Variants in RADIL observed in about 807,000 individuals in gnomAD.
The protein encoded by RADIL is ras-associating and dilute domain-containing protein.
In RADIL, 99 loss-of-function variants were observed where a neutral mutation model predicts 97.6. The ratio of observed to expected loss-of-function variants is 1.01; its 90% confidence interval spans 0.86 to 1.20. The LOEUF (loss-of-function observed/expected upper bound fraction) is 1.20, where lower values mean the gene tolerates loss of function less well. Among genes scored for constraint, RADIL ranks in the 50% most tolerant of loss-of-function variants. The pLI is 0.00. For synonymous variants in RADIL, 803 were observed against 691.8 expected (o/e 1.16, Z -2.52); for missense variants, 1,765 against 1,498.9 (o/e 1.18, Z -2.93).
chr7:4,873,968 G>GT lies in RADIL; in HGVS notation c.535+3636dup, dbSNP rs1784311225. Among the ~76,000 whole-genome samples, 1 of 152,218 alleles carries GT rather than the reference G, an allele frequency of 6.6e-6. No homozygotes were observed. The highest frequency in any genetic ancestry group is 6.5e-5 in the Admixed American group (1 of 15,286). On this transcript the variant is annotated intron_variant, in intron 2 of 14. Coordinates refer to ENST00000399583, the MANE Select transcript of RADIL (RefSeq NM_018059.5). This position sits in a 1 kb window ranked among gnomAD's most constrained non-coding sequence, Gnocchi z 4.3. ...TCCTCCCCTTCTCTGGCTCTCAGTC[G>GT]TTCCCCTTGGAGGGGCGAGGGAGGA...
intron 5 of RADIL, among the ~76,000 whole-genome samples, chr7:4,830,579 T>TA (rs908527959): frequency 3.3e-4 from 50 of 152,046 alleles, no homozygotes; most frequent in African/African-American, 1.2e-3. Context: ...CGTGCAGCCA[T>TA]AAAAAAGCAC....
chr7:4,832,625 G>A (rs1429580650), intron 4 of RADIL, among the ~76,000 whole-genome samples: 1 of 151,526 alleles, frequency 6.6e-6, no homozygotes, highest in African/African-American at 2.4e-5. Context: ...TATAATCCCA[G>A]CTATTTGGGA....
In RADIL at chr7:4,834,547, CG is replaced by C; in HGVS notation, c.1416+59del. The C allele has an allele frequency of 7.8e-7, 1 of 1,289,052 alleles. No individual in the cohort carries two copies. The highest frequency in any genetic ancestry group is 9.8e-7 in the Non-Finnish European group (1 of 1,016,988). The allele number at this position is 1,289,052 out of a possible 1,614,324, so 79.9% of individuals were successfully genotyped here. ...CCCGCCTCCCAGCCGGGGCCAGCTC[CG>C]GGCCCCCTCTTCCCCCAGACCGGCA... On this transcript the variant is annotated intron_variant, in intron 4 of 14. Transcript: ENST00000399583. This position sits in a 1 kb window ranked among gnomAD's most constrained non-coding sequence, Gnocchi z 6.0.
intron 9 of RADIL, among the ~76,000 whole-genome samples, chr7:4,806,903 T>C (rs970870570): frequency 3.9e-5 from 6 of 152,172 alleles, no homozygotes; most frequent in South Asian, 2.1e-4. Flanking sequence ...GGGTCTGCCT[T>C]GTACTGATTC....
intron 2 of RADIL, among the ~76,000 whole-genome samples, chr7:4,866,679 G>A (rs990038189): frequency 6.6e-6 from 1 of 152,184 alleles, no homozygotes; most frequent in Non-Finnish European, 1.5e-5. Flanking sequence ...ATTTGAAAGT[G>A]TCTCCAGGGG....
chr7:4,876,592 C>T lies in RADIL; in HGVS notation c.535+1013G>A, dbSNP rs760135599. 3.3e-4 allele frequency among the ~76,000 whole-genome samples: 50 copies of T among 152,016 alleles called. 1 individual carries two copies. The highest frequency in any genetic ancestry group is 2.5e-3 in the South Asian group (12 of 4,820). On this transcript the variant is annotated intron_variant, in intron 2 of 14. Transcript: ENST00000399583. ...CTGGGATTACAGGTGTGAGCCACCG[C>T]GCCTGGCCAAAATTATTTTTTATGA...
rs1423882922 is a variant in RADIL, at chr7:4,821,882, G to T, written c.1615+512C>A. ...AAAAAAGAAAAAGAAATCCCGAAAT[G>T]TGTATTTCCCACATCTTAATCTGTG... On this transcript the variant is annotated intron_variant, in intron 6 of 14. Transcript: ENST00000399583. This position sits in a 1 kb window ranked among gnomAD's most constrained non-coding sequence, Gnocchi z 5.2. 2.6e-5 allele frequency among the ~76,000 whole-genome samples: 4 copies of T among 152,054 alleles called. No homozygotes were observed. Among genetic ancestry groups the T allele is most frequent in the Non-Finnish European group, 4.4e-5 (3 of 68,010 alleles).
At chr7:4,812,369 C>T (rs984005371) in intron 9 of RADIL, among the ~76,000 whole-genome samples, 23 of 152,110 alleles carry the variant, frequency 1.5e-4, no homozygotes, top group Non-Finnish European at 7.4e-5. Context: ...TGATGGCCTC[C>T]TTTTTCTGAT....
At position 4,803,666 on chromosome 7, in the gene RADIL, G is replaced by A. The variant is rs373542421; in HGVS notation, c.2379C>T (p.Asp793=). ...FQVDLEANCL[D]DSIYQHLLYV... ...AGAGCAGGTGCTGGTAGATGCTGTC[G>A]TCCAGGCAGTTGGCTTCCAAGTCCA... The change falls in exon 11 of 15, where the codon GAC becomes GAT. Residue 793 remains aspartate (D), a synonymous_variant. Coordinates refer to ENST00000399583, the MANE Select transcript of RADIL (RefSeq NM_018059.5). 1.5e-4 allele frequency: 239 copies of A among 1,553,452 alleles called. No individual in the cohort carries two copies. The highest frequency in any genetic ancestry group is 6.8e-4 in the Middle Eastern group (4 of 5,856).
intron 2 of RADIL, among the ~76,000 whole-genome samples, chr7:4,848,481 G>A (rs1489662728): frequency 6.6e-6 from 1 of 152,076 alleles, no homozygotes; most frequent in African/African-American, 2.4e-5. Flanking sequence ...CATCTTAAAA[G>A]AGGGAAGACA....
At position 4,816,832 on chromosome 7, in the gene RADIL, C is replaced by A. The variant is rs542973073; in HGVS notation, c.1729-367G>T. Among the ~76,000 whole-genome samples, 3 of 152,284 alleles carry A rather than the reference C, an allele frequency of 2.0e-5. No individual in the cohort carries two copies. In the South Asian group the frequency reaches 6.2e-4, roughly 32 times the overall value. ...CCCCAGAAAGTGGCTCACCGCACCC[C>A]CGATGCACCCCAAGCTGGCCAGGGC... On this transcript the variant is annotated intron_variant, in intron 7 of 14. Transcript: ENST00000399583.
Position 4,817,233 on chromosome 7 carries a change from G to A in RADIL, c.1728+6C>T, listed in dbSNP as rs199838782. 2.9e-4 allele frequency: 463 copies of A among 1,607,282 alleles called. 5 individuals are homozygous for A. The East Asian group carries it at 9.6e-3, about 33-fold the overall frequency. ...CTGAGTGCAGAAGCAGAGCCCGTCC[G>A]TGCACCTTGGAGACATAGTAGACGC... On this transcript the variant is annotated splice_donor_region_variant and intron_variant, in intron 7 of 14. Transcript: ENST00000399583. The surrounding 1 kb of genome is among the most constrained non-coding windows in gnomAD (Gnocchi z 8.3).
chr7:4,822,341 A>T lies in RADIL; in HGVS notation c.1615+53T>A, dbSNP rs1390334629. The T allele has an allele frequency of 6.4e-7, 1 of 1,551,030 alleles. No individual in the cohort carries two copies. Among genetic ancestry groups the T allele is most frequent in the African/African-American group, 1.4e-5 (1 of 73,486 alleles). On this transcript the variant is annotated intron_variant, in intron 6 of 14. Coordinates refer to ENST00000399583, the MANE Select transcript of RADIL (RefSeq NM_018059.5). This position sits in a 1 kb window ranked among gnomAD's most constrained non-coding sequence, Gnocchi z 5.3. ...TCCGAGGACGGCGAGGAGATGCCAC[A>T]CTCCCCTGCCTGGGGTGCTGGCGGG...
At position 4,880,974 on chromosome 7, in the gene RADIL, C is replaced by G. The variant is rs1583334499; in HGVS notation, c.-65+2622G>C. On this transcript the variant is annotated intron_variant, in intron 1 of 14. Coordinates refer to ENST00000399583, the MANE Select transcript of RADIL (RefSeq NM_018059.5). The surrounding 1 kb of genome is among the most constrained non-coding windows in gnomAD (Gnocchi z 4.5). Reference sequence around the variant, plus strand: ...AAAAATTAGCTGGGCATGGTGTGCACCTGTAGTCCCAGCTACTCGGGAGGC... The same window carrying G: ...AAAAATTAGCTGGGCATGGTGTGCAGCTGTAGTCCCAGCTACTCGGGAGGC... Among the ~76,000 whole-genome samples, 2 of 151,770 alleles carry G rather than the reference C, an allele frequency of 1.3e-5. No homozygotes were observed. Among genetic ancestry groups the G allele is most frequent in the Non-Finnish European group, 2.9e-5 (2 of 67,916 alleles).
intron 2 of RADIL, among the ~76,000 whole-genome samples, chr7:4,853,673 C>A (rs1037354091): frequency 1.7e-4 from 24 of 142,996 alleles, no homozygotes; most frequent in Non-Finnish European, 3.3e-4. Flanking sequence ...ACCTGGGAGG[C>A]AGAGGTTGTG....
rs1782925746 is a variant in RADIL, at chr7:4,824,618, G to T, written c.1455-2064C>A. On this transcript the variant is annotated intron_variant, in intron 5 of 14. Transcript: ENST00000399583. This position sits in a 1 kb window ranked among gnomAD's most constrained non-coding sequence, Gnocchi z 6.7. ...CAAACAATGTTGACCTCTCTCGCGT[G>T]CACACACCCGGGGAGGGAAGAAACT... 6.6e-6 allele frequency among the ~76,000 whole-genome samples: 1 copy of T among 152,212 alleles called. No individual in the cohort carries two copies. Among genetic ancestry groups the T allele is most frequent in the Non-Finnish European group, 1.5e-5 (1 of 68,038 alleles).
intron 11 of RADIL, among the ~76,000 whole-genome samples, chr7:4,802,459 C>G (rs1436267436): frequency 1.4e-5 from 2 of 141,702 alleles, no homozygotes; most frequent in East Asian, 4.5e-4. Context: ...TCCCCGGGCA[C>G]CTCGGGGCAC....
At chr7:4,800,092 AAGC>A (rs1782029652) in intron 13 of RADIL, 76 bp downstream of exon 13, 1 of 1,464,570 alleles carries the variant, frequency 6.8e-7, no homozygotes, top group African/African-American at 1.4e-5. Context: ...GTGGCCACGC[AAGC>A]TGCGGCCAGG....
rs1782276276 is a variant in RADIL at position 4,805,481 on chromosome 7, T to C, written c.2290+85A>G. Reference sequence around the variant, plus strand: ...AGAGGTCCCCCACACCCCACTTCAGTTGGGATGAGAGCATGCTGCCTCCAG... The same window carrying C: ...AGAGGTCCCCCACACCCCACTTCAGCTGGGATGAGAGCATGCTGCCTCCAG... On this transcript the variant is annotated intron_variant, in intron 10 of 14. Transcript: ENST00000399583. 5 of 1,441,302 alleles carry C rather than the reference T, an allele frequency of 3.5e-6. No individual in the cohort carries two copies. In the East Asian group the frequency reaches 9.3e-5, roughly 27 times the overall value. The allele number at this position is 1,441,302 out of a possible 1,614,324, so 89.3% of individuals were successfully genotyped here. A position where few individuals can be genotyped will look rare whatever the true frequency, so the allele number is the denominator to read the frequency against.
Sources: gnomAD v4.1 joint callset for allele counts (sites outside exome capture counted in the v4.1 genomes callset) on GRCh38, gnomAD v4.1.1 for gene constraint, Gnocchi (gnomAD v3.1) non-coding constraint, MANE v1.5 for transcripts, NCBI Gene and HGNC (gene_info 2026-07-23, HGNC 2026-07-21) for gene names.